BABAM2: variants seen among roughly 807,000 people sequenced by gnomAD.
The protein encoded by BABAM2 is BRISC and BRCA1-A complex member 2.
BABAM2 carries 31 observed loss-of-function variants against 54.7 expected under a neutral mutation model. The ratio of observed to expected loss-of-function variants is 0.57; its 90% CI spans 0.43 to 0.77. BABAM2 has a LOEUF of 0.77. Ranked by LOEUF, BABAM2 falls within the 30% of genes least tolerant of loss-of-function variation. The pLI is 0.00. For synonymous variants in BABAM2, 167 were observed against 162.9 expected (o/e 1.03, Z -0.19); for missense variants, 364 against 455.8 (o/e 0.80, Z 1.83).
intron 7 of BABAM2, among the ~76,000 whole-genome samples, chr2:28,192,567 G>A (rs2147924819): frequency 6.9e-6 from 1 of 144,528 alleles, no homozygotes; most frequent in East Asian, 2.1e-4. Context: ...TGTCACTCAG[G>A]CTGGAATGCA....
intron 7 of BABAM2, among the ~76,000 whole-genome samples, chr2:28,231,182 G>T (rs956074968): frequency 1.3e-5 from 2 of 152,158 alleles, no homozygotes; most frequent in African/African-American, 4.8e-5. Context: ...GTGAGGTTTA[G>T]AGATCACAAA....
At chr2:28,213,461 C>T (rs1427808774) in intron 7 of BABAM2, among the ~76,000 whole-genome samples, 1 of 151,898 alleles carries the variant, frequency 6.6e-6, no homozygotes, top group Admixed American at 6.6e-5. Context: ...ATATGAGTAA[C>T]ATAGAGCATT....
At chr2:27,893,707 A>G (rs1441600143) in intron 1 of BABAM2, among the ~76,000 whole-genome samples, 1 of 152,188 alleles carries the variant, frequency 6.6e-6, no homozygotes, top group Non-Finnish European at 1.5e-5. Flanking sequence ...AAGGTGTATC[A>G]GCAGTAGGCC....
intron 4 of BABAM2, among the ~76,000 whole-genome samples, chr2:28,003,855 G>A (rs916661995): frequency 2.0e-5 from 3 of 152,080 alleles, no homozygotes; most frequent in African/African-American, 7.2e-5. Flanking sequence ...AAATGACCAA[G>A]GACAACATAT....
chr2:28,190,525 A>G (rs530942002), intron 7 of BABAM2, among the ~76,000 whole-genome samples: 1 of 152,270 alleles, frequency 6.6e-6, no homozygotes, highest in East Asian at 1.9e-4. Flanking sequence ...TGTCTCTACT[A>G]AAAATACAAA....
intron 10 of BABAM2, among the ~76,000 whole-genome samples, chr2:28,267,541 G>T (rs1447019712): frequency 6.6e-6 from 1 of 152,118 alleles, no homozygotes; most frequent in South Asian, 2.1e-4. Context: ...AGTCTCTGTG[G>T]CTAACACAGT....
intron 5 of BABAM2, among the ~76,000 whole-genome samples, chr2:28,030,331 A>C (rs775374295): frequency 4.6e-5 from 7 of 152,166 alleles, no homozygotes; most frequent in Non-Finnish European, 8.8e-5. Flanking sequence ...TGCTACACTT[A>C]TCTCAGTTTA....
Position 28,045,758 on chromosome 2 carries a change from C to G in BABAM2, c.529C>G (p.Leu177Val). 6.2e-7 allele frequency: 1 copy of G among 1,611,594 alleles called. No individual in the cohort carries two copies. The highest frequency in any genetic ancestry group is 8.5e-7 in the Non-Finnish European group (1 of 1,178,422). The change falls in exon 6 of 12, where the codon CTG becomes GTG. Residue 177 changes from leucine (L) to valine (V), a missense_variant. Physicochemically the swap from Leu to Val is conservative, Grantham distance 32 (BLOSUM62 1). Coordinates refer to ENST00000379624, the MANE Select transcript of BABAM2 (RefSeq NM_199191.3). ...ATTTTCAGCTCGTTTCCTTTTGAAGCTGCCCGTAGATTTCAGCAATATCCC... is the reference window on the plus strand; with the variant it reads ...ATTTTCAGCTCGTTTCCTTTTGAAGGTGCCCGTAGATTTCAGCAATATCCC... ...GEFSARFLLK[L>V]PVDFSNIPTY...
intron 6 of BABAM2, among the ~76,000 whole-genome samples, chr2:28,081,364 A>G (rs572675809): frequency 3.0e-4 from 46 of 152,350 alleles, no homozygotes; most frequent in Non-Finnish European, 5.7e-4. Context: ...TAGGCAGGCT[A>G]GAGCCACACT....
At chr2:28,260,299 CT>C (rs965855673) in intron 10 of BABAM2, among the ~76,000 whole-genome samples, 1,878 of 120,408 alleles carry the variant, frequency 0.016, 9 homozygotes, top group South Asian at 0.06. Flanking sequence ...TATTTCTTTT[CT>C]TTTTTTTTTT....
At chr2:28,256,721 G>A (rs1045283236) in intron 10 of BABAM2, among the ~76,000 whole-genome samples, 1 of 133,664 alleles carries the variant, frequency 7.5e-6, no homozygotes, top group Non-Finnish European at 1.6e-5. Context: ...TTGAGATGGA[G>A]TCTCGCTCTG....
At chr2:28,174,069 G>A (rs1674650675) in intron 7 of BABAM2, among the ~76,000 whole-genome samples, 1 of 152,122 alleles carries the variant, frequency 6.6e-6, no homozygotes, top group South Asian at 2.1e-4. Context: ...CTTTTGATTA[G>A]AATGGTACCT....
At chr2:28,160,022 C>A (rs75484187) in intron 7 of BABAM2, among the ~76,000 whole-genome samples, 2 of 152,080 alleles carry the variant, frequency 1.3e-5, no homozygotes, top group Admixed American at 1.3e-4. Flanking sequence ...AATTCTGTCA[C>A]CCAGGCTAGA....
intron 6 of BABAM2, among the ~76,000 whole-genome samples, chr2:28,076,481 T>TTAG (rs1664685021): frequency 4.8e-4 from 71 of 146,524 alleles, no homozygotes; most frequent in African/African-American, 1.8e-3. Flanking sequence ...TATTTATTTA[T>TTAG]TTAGTTAGTT....
intron 5 of BABAM2, among the ~76,000 whole-genome samples, chr2:28,026,318 A>G (rs1345216712): frequency 1.3e-5 from 2 of 152,154 alleles, no homozygotes; most frequent in Admixed American, 6.5e-5. Context: ...AATAGCAAAG[A>G]CTTGGAACCA....
intron 4 of BABAM2, among the ~76,000 whole-genome samples, chr2:28,013,185 T>G (rs1650868985): frequency 6.6e-6 from 1 of 152,186 alleles, no homozygotes. Context: ...ATGTTTTAGG[T>G]TTAAAGCTTA....
chr2:27,971,076 T>C (rs1257750402), intron 3 of BABAM2, among the ~76,000 whole-genome samples: 4 of 152,152 alleles, frequency 2.6e-5, no homozygotes, highest in African/African-American at 9.6e-5. Context: ...TAAGTTGGTG[T>C]CTACCAGTTT....
intron 3 of BABAM2, among the ~76,000 whole-genome samples, chr2:27,973,270 T>G (rs544838573): frequency 1.3e-5 from 2 of 152,250 alleles, no homozygotes; most frequent in African/African-American, 4.8e-5. Flanking sequence ...TTTTCTTGTG[T>G]TTTAAAAAAT....
chr2:28,200,580 A>T (rs539164234), intron 7 of BABAM2, among the ~76,000 whole-genome samples: 1 of 152,336 alleles, frequency 6.6e-6, no homozygotes, highest in South Asian at 2.1e-4. Flanking sequence ...CGGCTTTGTC[A>T]TCTATAAGTA....
Sources: gnomAD v4.1 joint callset for allele counts (sites outside exome capture counted in the v4.1 genomes callset) on GRCh38, gnomAD v4.1.1 for gene constraint, MANE v1.5 for transcripts, NCBI Gene and HGNC (gene_info 2026-07-23, HGNC 2026-07-21) for gene names.